Variants in TSPEAR observed in about 807,000 individuals in gnomAD.
TSPEAR encodes the protein thrombospondin type laminin G domain and EAR repeats.
In TSPEAR, 69 loss-of-function variants were observed where a neutral mutation model predicts 71.6. The ratio of observed to expected loss-of-function variants is 0.96; its 90% CI spans 0.79 to 1.18. The LOEUF is 1.18. TSPEAR is among the 50% of genes most tolerant of loss of function. The probability of loss-of-function intolerance (pLI) is 0.00; values close to 1 mark genes in which losing one functional copy is unlikely to be tolerated. For synonymous variants in TSPEAR, 402 were observed against 387.2 expected (o/e 1.04, Z -0.45); for missense variants, 971 against 894.9 (o/e 1.09, Z -1.09).
Position 44,650,266 on chromosome 21 carries a change from G to C in TSPEAR, c.82+61167C>G, listed in dbSNP as rs144016013. ...ATGTTGGATGCTGATCCCTCATACT[G>C]TAAACATGACCTTACGTGGAAACAG... On this transcript the variant is annotated intron_variant, in intron 1 of 11. Coordinates refer to ENST00000323084, the MANE Select transcript of TSPEAR (RefSeq NM_144991.3). Among the ~76,000 whole-genome samples the C allele has an allele frequency of 4.0e-3, 616 of 152,216 alleles. 7 individuals are homozygous for C. The highest frequency in any genetic ancestry group is 0.014 in the African/African-American group (575 of 41,524).
intron 1 of TSPEAR, chr21:44,690,682 A>G: frequency 4.0e-6 from 3 of 752,484 alleles, no homozygotes; most frequent in Non-Finnish European, 4.9e-6. Flanking sequence ...ATTATTAACC[A>G]TAAAACTATT....
chr21:44,536,658 A>G (rs1288745489), intron 2 of TSPEAR, among the ~76,000 whole-genome samples: 1 of 152,262 alleles, frequency 6.6e-6, no homozygotes, highest in African/African-American at 2.4e-5. Context: ...AATTTTATTC[A>G]GCATCATCCT....
At chr21:44,561,066 A>G (rs143114559) in intron 2 of TSPEAR, among the ~76,000 whole-genome samples, 255 of 152,318 alleles carry the variant, frequency 1.7e-3, no homozygotes, top group Middle Eastern at 3.4e-3. Context: ...GAAAAAATTA[A>G]CAAAATAGAT....
At chr21:44,558,060 G>A in intron 2 of TSPEAR, 1 of 1,605,916 alleles carries the variant, frequency 6.2e-7, no homozygotes, top group Non-Finnish European at 8.5e-7. Context: ...TCAGCAGCTG[G>A]ACTTCTGGCC....
chr21:44,671,143 C>T (rs1986037530), intron 1 of TSPEAR, among the ~76,000 whole-genome samples: 1 of 152,214 alleles, frequency 6.6e-6, no homozygotes, highest in Non-Finnish European at 1.5e-5. Flanking sequence ...GATGTGCCCA[C>T]CCAGCATGCC....
At chr21:44,646,776 G>C in intron 1 of TSPEAR, 1 of 1,613,602 alleles carries the variant, frequency 6.2e-7, no homozygotes, top group Non-Finnish European at 8.5e-7. Context: ...TCTGCTGCAA[G>C]ACTGTCTGCT....
intron 11 of TSPEAR, among the ~76,000 whole-genome samples, chr21:44,502,747 G>A (rs2052058614): frequency 6.6e-6 from 1 of 152,258 alleles, no homozygotes; most frequent in Non-Finnish European, 1.5e-5. Context: ...TCTCGGAAAT[G>A]ACACCTGACT....
At chr21:44,538,730 G>A (rs1261063950) in intron 2 of TSPEAR, among the ~76,000 whole-genome samples, 2 of 152,138 alleles carry the variant, frequency 1.3e-5, no homozygotes, top group African/African-American at 2.4e-5. Context: ...CCTGGGGCCT[G>A]GAGAGCCCCA....
At position 44,503,700 on chromosome 21, in the gene TSPEAR, C is replaced by T. The variant is rs587682226; in HGVS notation, c.1856+1080G>A. 1.5e-3 allele frequency among the ~76,000 whole-genome samples: 161 copies of T among 108,514 alleles called. 2 individuals carry two copies. The highest frequency in any genetic ancestry group is 4.1e-3 in the African/African-American group (107 of 26,338). The allele number at this position is 108,514 out of a possible 152,430, so 71.2% of individuals were successfully genotyped here. A position where few individuals can be genotyped will look rare whatever the true frequency, so the allele number is the denominator to read the frequency against. On this transcript the variant is annotated intron_variant, in intron 11 of 11. Transcript: ENST00000323084. ...GGGAAGCAAGGCTCTGGGAGGAAGCCGGCCTCGGTGAGCCCTCGGCGGGAA... is the reference window on the plus strand; with the variant it reads ...GGGAAGCAAGGCTCTGGGAGGAAGCTGGCCTCGGTGAGCCCTCGGCGGGAA...
At chr21:44,538,932 A>G (rs2053145808) in intron 2 of TSPEAR, 2 of 389,600 alleles carry the variant, frequency 5.1e-6, no homozygotes, top group African/African-American at 4.0e-5. Flanking sequence ...GAGGAGACCA[A>G]TGTCAGCTCA....
rs868917012 is a variant in TSPEAR, at chr21:44,534,553, G to A, written c.304-630C>T. Among the ~76,000 whole-genome samples, 12 of 151,950 alleles carry A rather than the reference G, an allele frequency of 7.9e-5. No homozygotes were observed. The South Asian group carries it at 1.2e-3, about 16-fold the overall frequency. On this transcript the variant is annotated intron_variant, in intron 2 of 11. Coordinates refer to ENST00000323084, the MANE Select transcript of TSPEAR (RefSeq NM_144991.3). ...AGGCTGGCGCCAGGCCGTAGGGACCGGCTTAGTCAGGAGCACGGGTCCATG... is the reference window on the plus strand; with the variant it reads ...AGGCTGGCGCCAGGCCGTAGGGACCAGCTTAGTCAGGAGCACGGGTCCATG...
At chr21:44,707,121 C>A (rs1323395169) in intron 1 of TSPEAR, among the ~76,000 whole-genome samples, 2 of 152,246 alleles carry the variant, frequency 1.3e-5, no homozygotes, top group African/African-American at 4.8e-5. Flanking sequence ...TGGGCGAGCA[C>A]CCCTAGCCCC....
At chr21:44,630,656 G>GGGGAAGTGAAGGGGAAGGC (rs1555935541) in intron 1 of TSPEAR, among the ~76,000 whole-genome samples, 1 of 149,514 alleles carries the variant, frequency 6.7e-6, no homozygotes. Context: ...AGGAAGTGAA[G>GGGGAAGTGAAGGGGAAGGC]GGGAAGTGAA....
chr21:44,700,759 A>G (rs782546926), intron 1 of TSPEAR, among the ~76,000 whole-genome samples: 4 of 152,204 alleles, frequency 2.6e-5, no homozygotes, highest in Non-Finnish European at 5.9e-5. Context: ...TTCAGGTGTC[A>G]CTGTTAAGCC....
At chr21:44,633,273 G>A (rs1159909732) in intron 1 of TSPEAR, among the ~76,000 whole-genome samples, 1 of 151,942 alleles carries the variant, frequency 6.6e-6, no homozygotes, top group Non-Finnish European at 1.5e-5. Flanking sequence ...TCTAGGTTTT[G>A]GTTTAGTTTG....
Position 44,529,094 on chromosome 21 carries a change from C to T in TSPEAR, c.791-511G>A, listed in dbSNP as rs372577907. Among the ~76,000 whole-genome samples the T allele has an allele frequency of 6.6e-5, 10 of 152,344 alleles. No individual in the cohort carries two copies. In the East Asian group the frequency reaches 1.9e-3, roughly 29 times the overall value. On this transcript the variant is annotated intron_variant, in intron 5 of 11. Coordinates refer to ENST00000323084, the MANE Select transcript of TSPEAR (RefSeq NM_144991.3). ...GCCGGTGCTGGCCAGCGGTGTGACA[C>T]AGTATACCATGCGGCCCGGATGTGT...
At chr21:44,686,687 C>G (rs967585525) in intron 1 of TSPEAR, 1 of 152,356 alleles carries the variant, frequency 6.6e-6, no homozygotes, top group Non-Finnish European at 1.5e-5. Context: ...TTAGCAAAAG[C>G]CTTTCCCTTT....
intron 1 of TSPEAR, among the ~76,000 whole-genome samples, chr21:44,682,919 A>G (rs13049393): frequency 0.58 from 88,325 of 151,826 alleles, 26,208 homozygotes; most frequent in Middle Eastern, 0.72. Flanking sequence ...CACACTGTGG[A>G]AGCTGACTGT....
chr21:44,691,067 C>T (rs139766185), intron 1 of TSPEAR, among the ~76,000 whole-genome samples: 266 of 152,032 alleles, frequency 1.7e-3, no homozygotes, highest in African/African-American at 5.3e-3. Context: ...CCCTCCCTTC[C>T]CTTCATCTCC....
Sources: allele counts gnomAD v4.1 joint callset (sites outside exome capture counted in the v4.1 genomes callset), GRCh38; gene constraint gnomAD v4.1.1; transcripts MANE v1.5; gene names NCBI Gene and HGNC (gene_info 2026-07-23, HGNC 2026-07-21).